The following IQCH variants were observed in gnomAD, a reference collection of about 807,000 sequenced individuals.
IQCH encodes the protein IQ motif containing H.
A neutral mutation model predicts 117.0 loss-of-function variants in IQCH; 98 were observed. The observed-to-expected ratio is 0.84, with a 90% confidence interval of 0.71 to 0.99. IQCH has a LOEUF of 0.99. Among genes scored for constraint, IQCH ranks in the 50% least tolerant of loss-of-function variants. The pLI, the probability that IQCH is intolerant of heterozygous loss-of-function variation, is 0.00. For missense variants in IQCH, 1,102 were observed against 1,243.8 expected (o/e 0.89, Z 1.72); for synonymous variants, 412 against 448.2 (o/e 0.92, Z 1.02).
At chr15:67,340,320 C>G (rs78719805) in intron 5 of IQCH, among the ~76,000 whole-genome samples, 2 of 150,552 alleles carry the variant, frequency 1.3e-5, no homozygotes, top group African/African-American at 2.4e-5. Flanking sequence ...CCCAGCTACT[C>G]TGGAGGCTGA....
Position 67,426,742 on chromosome 15 carries a change from G to A in IQCH, c.2505+5165G>A, listed in dbSNP as rs1479411837. On this transcript the variant is annotated intron_variant, in intron 16 of 20. Coordinates refer to ENST00000335894, the MANE Select transcript of IQCH (RefSeq NM_001031715.3). The surrounding 1 kb of genome is among the most constrained non-coding windows in gnomAD (Gnocchi z 5.1). ...TAATCCCAGCACTTTGGGAGGCTGAGGCAGGAGAATTGCTTGAGCTCAGGA... is the reference window on the plus strand; with the variant it reads ...TAATCCCAGCACTTTGGGAGGCTGAAGCAGGAGAATTGCTTGAGCTCAGGA... Among the ~76,000 whole-genome samples the A allele has an allele frequency of 6.6e-6, 1 of 152,136 alleles. No individual in the cohort carries two copies. The highest frequency in any genetic ancestry group is 1.5e-5 in the Non-Finnish European group (1 of 68,024).
At position 67,254,888 on chromosome 15, in the gene IQCH, G is replaced by C; in HGVS notation, c.-9G>C. Reference sequence around the variant, plus strand: ...GCCTCCGCGGAGGTAGCCGTTCCCTGACCTAGCCATGGCACAGAACACTGA... The same window carrying C: ...GCCTCCGCGGAGGTAGCCGTTCCCTCACCTAGCCATGGCACAGAACACTGA... On this transcript the variant is annotated 5_prime_UTR_variant, in exon 1 of 21. Transcript: ENST00000335894. 6.2e-7 allele frequency: 1 copy of C among 1,613,488 alleles called. No individual in the cohort carries two copies. Among genetic ancestry groups the C allele is most frequent in the South Asian group, 1.1e-5 (1 of 90,988 alleles).
At chr15:67,326,300 TC>T (rs1340709059) in intron 4 of IQCH, among the ~76,000 whole-genome samples, 1 of 152,246 alleles carries the variant, frequency 6.6e-6, no homozygotes, top group African/African-American at 2.4e-5. Flanking sequence ...CATGAGCTCA[TC>T]CTTTTTATGG....
At chr15:67,345,392 A>C (rs1471506001) in intron 6 of IQCH, among the ~76,000 whole-genome samples, 2 of 152,340 alleles carry the variant, frequency 1.3e-5, no homozygotes, top group East Asian at 3.9e-4. Context: ...ATTCACATCC[A>C]AAATAGAGTA....
chr15:67,339,512 C>T (rs1405373240), intron 5 of IQCH, among the ~76,000 whole-genome samples: 1 of 152,130 alleles, frequency 6.6e-6, no homozygotes, highest in Non-Finnish European at 1.5e-5. Flanking sequence ...ATTTTCATGT[C>T]TATAGATAAG....
chr15:67,346,860 G>C (rs1969417247), intron 6 of IQCH, among the ~76,000 whole-genome samples: 2 of 151,986 alleles, frequency 1.3e-5, no homozygotes, highest in Non-Finnish European at 2.9e-5. Context: ...TATGTTCTCT[G>C]ACCTTAACAG....
rs1399740945 is a variant in IQCH at position 67,401,555 on chromosome 15, G to T, written c.2097+1250G>T. On this transcript the variant is annotated intron_variant, in intron 14 of 20. Coordinates refer to ENST00000335894, the MANE Select transcript of IQCH (RefSeq NM_001031715.3). This position sits in a 1 kb window ranked among gnomAD's most constrained non-coding sequence, Gnocchi z 4.7. ...TGAATCAAGACACAAGTGATAGAGA[G>T]GGAGGGGCACACTTGAGGGAACCAC... 6.6e-6 allele frequency among the ~76,000 whole-genome samples: 1 copy of T among 152,192 alleles called. No homozygotes were observed. The highest frequency in any genetic ancestry group is 2.4e-5 in the African/African-American group (1 of 41,456).
chr15:67,362,674 A>G (rs1328628830), intron 8 of IQCH, among the ~76,000 whole-genome samples: 4 of 152,180 alleles, frequency 2.6e-5, no homozygotes, highest in African/African-American at 9.7e-5. Context: ...TCCTCACCCT[A>G]CAGCCCCAGG....
In IQCH at chr15:67,342,095, A is replaced by G. The variant is rs377410351; in HGVS notation, c.509-1968A>G. Among the ~76,000 whole-genome samples the G allele has an allele frequency of 4.9e-4, 74 of 151,548 alleles. No homozygotes were observed. The highest frequency in any genetic ancestry group is 1.7e-3 in the African/African-American group (72 of 41,248). On this transcript the variant is annotated intron_variant, in intron 5 of 20. Coordinates refer to ENST00000335894, the MANE Select transcript of IQCH (RefSeq NM_001031715.3). The surrounding 1 kb of genome is among the most constrained non-coding windows in gnomAD (Gnocchi z 4.7). ...AGACTAGCCTGGACAATATAGCAAG[A>G]CCTAGTCTCTACATTAAAAAAAAAA...
intron 16 of IQCH, among the ~76,000 whole-genome samples, chr15:67,451,740 CT>C (rs2082533701): frequency 6.6e-6 from 1 of 152,176 alleles, no homozygotes; most frequent in Non-Finnish European, 1.5e-5. Context: ...TCTATTAGGT[CT>C]GCTTGGTGCA....
At chr15:67,314,383 C>G (rs924459738) in intron 4 of IQCH, among the ~76,000 whole-genome samples, 1 of 151,518 alleles carries the variant, frequency 6.6e-6, no homozygotes, top group African/African-American at 2.4e-5. Flanking sequence ...CCTTGTCTTC[C>G]CAATCTAATA....
At position 67,366,732 on chromosome 15, in the gene IQCH, AT is replaced by A. The variant is rs1970345546; in HGVS notation, c.754-5377del. 6.6e-6 allele frequency among the ~76,000 whole-genome samples: 1 copy of A among 152,144 alleles called. No homozygotes were observed. ...AGGATTACTTAGACAGTTTCTAGAT[AT>A]TATGAACTGAGAGCCATTGACTTGC... On this transcript the variant is annotated intron_variant, in intron 8 of 20. Transcript: ENST00000335894. This position sits in a 1 kb window ranked among gnomAD's most constrained non-coding sequence, Gnocchi z 4.4.
chr15:67,451,289 T>C (rs2082519621), intron 16 of IQCH, among the ~76,000 whole-genome samples: 1 of 152,022 alleles, frequency 6.6e-6, no homozygotes, highest in Non-Finnish European at 1.5e-5. Context: ...TTGCTCTTGC[T>C]TTTCTAGTTC....
At position 67,426,777 on chromosome 15, in the gene IQCH, C is replaced by T. The variant is rs1403537158; in HGVS notation, c.2505+5200C>T. Among the ~76,000 whole-genome samples, 2 of 151,948 alleles carry T rather than the reference C, an allele frequency of 1.3e-5. No homozygotes were observed. The highest frequency in any genetic ancestry group is 2.9e-5 in the Non-Finnish European group (2 of 67,996). ...TTGCTTGAGCTCAGGAGTTCAATAC[C>T]AGCCTGGGCAACATAGAAAGGTCCA... On this transcript the variant is annotated intron_variant, in intron 16 of 20. Coordinates refer to ENST00000335894, the MANE Select transcript of IQCH (RefSeq NM_001031715.3). The surrounding 1 kb of genome is among the most constrained non-coding windows in gnomAD (Gnocchi z 5.1).
rs1234956689 is a variant in IQCH, at chr15:67,475,586, A to G, written c.2677-110A>G. The G allele has an allele frequency of 1.2e-6, 1 of 863,434 alleles. No individual in the cohort carries two copies. Among genetic ancestry groups the G allele is most frequent in the African/African-American group, 1.7e-5 (1 of 59,790 alleles). 53.5% of individuals were successfully genotyped at this position (863,434 alleles called of 1,614,324 possible). On this transcript the variant is annotated intron_variant, in intron 17 of 20. Coordinates refer to ENST00000335894, the MANE Select transcript of IQCH (RefSeq NM_001031715.3). The surrounding 1 kb of genome is among the most constrained non-coding windows in gnomAD (Gnocchi z 5.7). ...ACAATAGGAGAACTGGGTGTGGGGG[A>G]TATAGGAACTCTCAGAATTATCTTC...
Position 67,474,874 on chromosome 15 carries a change from T to C in IQCH, c.2677-822T>C, listed in dbSNP as rs771965241. On this transcript the variant is annotated intron_variant, in intron 17 of 20. Coordinates refer to ENST00000335894, the MANE Select transcript of IQCH (RefSeq NM_001031715.3). The surrounding 1 kb of genome is among the most constrained non-coding windows in gnomAD (Gnocchi z 4.1). ...TGATACCATCTATCTACCCTTGATA[T>C]GAAGTGAGGAAAATGGCAGTTTGCC... 2.8e-4 allele frequency among the ~76,000 whole-genome samples: 43 copies of C among 152,198 alleles called. No individual in the cohort carries two copies. Among genetic ancestry groups the C allele is most frequent in the Non-Finnish European group, 5.7e-4 (39 of 68,034 alleles).
chr15:67,276,980 C>G (rs934028612), intron 3 of IQCH, among the ~76,000 whole-genome samples: 1 of 152,104 alleles, frequency 6.6e-6, no homozygotes, highest in African/African-American at 2.4e-5. Context: ...ACTGAATATT[C>G]TGTACTGTTT....
At chr15:67,281,903 C>G in intron 4 of IQCH, 1 of 380,748 alleles carries the variant, frequency 2.6e-6, no homozygotes, top group South Asian at 2.0e-5. Context: ...AGTTCAGGCT[C>G]CTGTGAACTC....
At chr15:67,442,282 T>C (rs999039747) in intron 16 of IQCH, among the ~76,000 whole-genome samples, 7 of 151,884 alleles carry the variant, frequency 4.6e-5, no homozygotes, top group African/African-American at 1.7e-4. Context: ...TGGTGGTGCG[T>C]GCCTGTAATC....
Sources: allele counts gnomAD v4.1 joint callset (sites outside exome capture counted in the v4.1 genomes callset), GRCh38; gene constraint gnomAD v4.1.1; non-coding constraint Gnocchi (gnomAD v3.1); transcripts MANE v1.5; gene names NCBI Gene and HGNC (gene_info 2026-07-23, HGNC 2026-07-21).